Variants in COL11A1 observed in about 807,000 individuals in gnomAD.
COL11A1 encodes the protein collagen type XI alpha 1 chain.
In COL11A1, 74 loss-of-function variants were observed where a neutral mutation model predicts 265.2. The ratio of observed to expected loss-of-function variants is 0.28; its 90% confidence interval spans 0.23 to 0.34. COL11A1 has a LOEUF of 0.34. COL11A1 is among the 10% of genes least tolerant of loss of function. COL11A1 has a pLI of 1.00. For missense variants in COL11A1, 2,165 were observed against 2,263.6 expected, an observed-to-expected ratio of 0.96 and a Z score of 0.88; for synonymous variants, 816 against 727.6, an observed-to-expected ratio of 1.12 and a Z score of -1.96.
intron 4 of COL11A1, among the ~76,000 whole-genome samples, chr1:103,059,202 T>C (rs1412960620): frequency 1.3e-5 from 2 of 152,140 alleles, no homozygotes; most frequent in Non-Finnish European, 1.5e-5. Context: ...GGAAATTCCC[T>C]ACTACAGCTC....
chr1:102,925,280 C>A (rs1050970903), intron 46 of COL11A1, among the ~76,000 whole-genome samples: 5 of 151,928 alleles, frequency 3.3e-5, no homozygotes, highest in African/African-American at 9.7e-5. Flanking sequence ...TAGATGATAG[C>A]CTTTGATATT....
intron 36 of COL11A1, among the ~76,000 whole-genome samples, chr1:102,971,753 G>T (rs1661998299): frequency 6.6e-6 from 1 of 151,558 alleles, no homozygotes; most frequent in African/African-American, 2.4e-5. Flanking sequence ...TGACATCCTG[G>T]GTGCCCTGTA....
chr1:103,032,549 T>G (rs1237859480), intron 4 of COL11A1, among the ~76,000 whole-genome samples: 1 of 152,082 alleles, frequency 6.6e-6, no homozygotes, highest in African/African-American at 2.4e-5. Context: ...TGAAAAGATA[T>G]AATCAAATAG....
chr1:103,045,974 T>C (rs1017835181), intron 4 of COL11A1, among the ~76,000 whole-genome samples: 5 of 150,722 alleles, frequency 3.3e-5, no homozygotes, highest in Non-Finnish European at 5.9e-5. Flanking sequence ...TGCATAGTAT[T>C]CCATGGTGTA....
intron 4 of COL11A1, among the ~76,000 whole-genome samples, chr1:103,044,363 C>A (rs1310720781): frequency 6.6e-6 from 1 of 151,976 alleles, no homozygotes; most frequent in Non-Finnish European, 1.5e-5. Flanking sequence ...CCCACACAGC[C>A]CTTGTATTGC....
chr1:102,947,276 A>T (rs1659394708), intron 41 of COL11A1, among the ~76,000 whole-genome samples: 1 of 152,138 alleles, frequency 6.6e-6, no homozygotes, highest in Non-Finnish European at 1.5e-5. Context: ...AATGCTTTAT[A>T]AAAAATATAT....
chr1:102,916,895 G>T (rs151130571), intron 49 of COL11A1, among the ~76,000 whole-genome samples: 44 of 152,010 alleles, frequency 2.9e-4, no homozygotes, highest in African/African-American at 1.1e-3. Flanking sequence ...AATGATGTTA[G>T]TGATGTTTCC....
At chr1:103,042,372 A>T (rs551141250) in intron 4 of COL11A1, among the ~76,000 whole-genome samples, 17 of 152,122 alleles carry the variant, frequency 1.1e-4, no homozygotes, top group Non-Finnish European at 2.5e-4. Context: ...TTTATCTAGA[A>T]TTTCCTGGCA....
intron 1 of COL11A1, among the ~76,000 whole-genome samples, chr1:103,090,085 C>T (rs779251014): frequency 1.3e-5 from 2 of 152,072 alleles, no homozygotes; most frequent in Non-Finnish European, 2.9e-5. Flanking sequence ...GATCACACCA[C>T]TGCACTCCAG....
chr1:103,004,505 G>T lies in COL11A1; in HGVS notation c.1900-17C>A, dbSNP rs1425178640. 4 of 1,609,148 alleles carry T rather than the reference G, an allele frequency of 2.5e-6. No individual in the cohort carries two copies. Among genetic ancestry groups the T allele is most frequent in the African/African-American group, 2.7e-5 (2 of 74,800 alleles). ...ATCTTCTCCCTGTCATTGACAAAAT[G>T]AATGAGAGTATAGAACATTTGGACA... On this transcript the variant is annotated splice_polypyrimidine_tract_variant and intron_variant, in intron 19 of 66. Coordinates refer to ENST00000370096, the MANE Select transcript of COL11A1 (RefSeq NM_001854.4).
At chr1:102,899,956 C>A (rs886193403) in intron 54 of COL11A1, among the ~76,000 whole-genome samples, 1 of 152,020 alleles carries the variant, frequency 6.6e-6, no homozygotes, top group Non-Finnish European at 1.5e-5. Context: ...GAGGGTACAA[C>A]GTGCATTGCT....
At position 102,898,984 on chromosome 1, in the gene COL11A1, C is replaced by G; in HGVS notation, c.4097G>C (p.Gly1366Ala). The change falls in exon 55 of 67, where the codon GGA (glycine) becomes GCA (alanine). Residue 1366 changes from glycine (G) to alanine (A), a missense_variant. Transcript: ENST00000370096. ...TTGTCTTCCCTCTGCACCTGCAGCT[C>G]CAGGAGGACCCTATAGACATAAGAT... Reference protein sequence around the residue: ...PGPPGKRGPPGAAGAEGRQGE... With the variant: ...PGPPGKRGPPAAAGAEGRQGE... 5 of 1,547,390 alleles carry G rather than the reference C, an allele frequency of 3.2e-6. No individual in the cohort carries two copies. The highest frequency in any genetic ancestry group is 3.5e-6 in the Non-Finnish European group (4 of 1,139,624).
intron 4 of COL11A1, among the ~76,000 whole-genome samples, chr1:103,067,320 A>T (rs1394397279): frequency 6.6e-6 from 1 of 151,874 alleles, no homozygotes; most frequent in Non-Finnish European, 1.5e-5. Flanking sequence ...AGAATTAGAC[A>T]CCAATACCAA....
At chr1:102,971,912 C>T (rs868355705) in intron 36 of COL11A1, among the ~76,000 whole-genome samples, 1 of 152,246 alleles carries the variant, frequency 6.6e-6, no homozygotes, top group Middle Eastern at 3.4e-3. Flanking sequence ...CCAAAACATT[C>T]TTGGATGTCA....
chr1:103,003,971 G>A (rs1268110768), intron 20 of COL11A1, among the ~76,000 whole-genome samples: 1 of 152,114 alleles, frequency 6.6e-6, no homozygotes, highest in African/African-American at 2.4e-5. Context: ...CCTATTTCCA[G>A]TTTAGTTATT....
intron 64 of COL11A1, among the ~76,000 whole-genome samples, chr1:102,882,122 A>G (rs1650324758): frequency 6.6e-6 from 1 of 152,160 alleles, no homozygotes; most frequent in South Asian, 2.1e-4. Context: ...CAGCTTCATC[A>G]AGCAAGGCAG....
chr1:103,004,918 AG>A (rs1665454567), intron 18 of COL11A1, among the ~76,000 whole-genome samples: 2 of 131,692 alleles, frequency 1.5e-5, no homozygotes, highest in Admixed American at 1.5e-4. Flanking sequence ...ATGTAAAATA[AG>A]TATCTTAAAT....
At chr1:102,905,231 G>T (rs1334569316) in intron 54 of COL11A1, among the ~76,000 whole-genome samples, 1 of 107,290 alleles carries the variant, frequency 9.3e-6, no homozygotes, top group Non-Finnish European at 1.8e-5. Flanking sequence ...TGTGGGGTGG[G>T]GGGAGGGGGG....
rs540602885 is a variant in COL11A1 at position 103,107,524 on chromosome 1, ATCT to A, written c.106+546_106+548del. ...CCCCCAAACACACAGAGTGTTCCTA[ATCT>A]TCTAGATTCACCCCCCTGGTTTCTC... On this transcript the variant is annotated intron_variant, in intron 1 of 66. Transcript: ENST00000370096. Among the ~76,000 whole-genome samples, 530 of 137,542 alleles carry A rather than the reference ATCT, an allele frequency of 3.9e-3. 3 individuals are homozygous for A. In the Middle Eastern group the frequency reaches 0.046, roughly 12 times the overall value. The allele number at this position is 137,542 out of a possible 152,430, so 90.2% of individuals were successfully genotyped here. A position where few individuals can be genotyped will look rare whatever the true frequency, so the allele number is the denominator to read the frequency against.
Sources: gnomAD v4.1 joint callset for allele counts (sites outside exome capture counted in the v4.1 genomes callset) on GRCh38, gnomAD v4.1.1 for gene constraint, MANE v1.5 for transcripts, NCBI Gene and HGNC (gene_info 2026-07-23, HGNC 2026-07-21) for gene names.